ZNF169: variants seen among roughly 807,000 people sequenced by gnomAD.
ZNF169 encodes the protein zinc finger protein 169.
ZNF169 carries 11 observed loss-of-function variants against 12.0 expected under a neutral mutation model. The ratio of observed to expected loss-of-function variants is 0.92; its 90% CI spans 0.58 to 1.52. ZNF169 has a LOEUF of 1.52. ZNF169 is among the 40% of genes most tolerant of loss of function. ZNF169 has a pLI of 0.00. For missense variants in ZNF169, 722 were observed against 744.0 expected, an observed-to-expected ratio of 0.97 and a Z score of 0.34; for synonymous variants, 302 against 286.5, an observed-to-expected ratio of 1.05 and a Z score of -0.55.
At chr9:94,298,135 C>G (rs1041013571) in intron 4 of ZNF169, among the ~76,000 whole-genome samples, 4 of 150,814 alleles carry the variant, frequency 2.7e-5, no homozygotes, top group Non-Finnish European at 5.9e-5. Context: ...CCACTGTACT[C>G]CAGCCTAGGC....
chr9:94,274,786 C>T (rs764017587), intron 1 of ZNF169, among the ~76,000 whole-genome samples: 1 of 152,172 alleles, frequency 6.6e-6, no homozygotes, highest in Non-Finnish European at 1.5e-5. Flanking sequence ...TTAAGAAATA[C>T]ACTGGTTTGG....
intron 3 of ZNF169, 86 bp downstream of exon 3, chr9:94,292,553 A>G: frequency 6.5e-7 from 1 of 1,541,334 alleles, no homozygotes; most frequent in Non-Finnish European, 8.7e-7. Flanking sequence ...TCTGACTCAG[A>G]AAAACAGTTT....
intron 1 of ZNF169, among the ~76,000 whole-genome samples, chr9:94,269,249 C>T (rs1026973322): frequency 3.3e-5 from 5 of 152,136 alleles, no homozygotes; most frequent in Non-Finnish European, 5.9e-5. Flanking sequence ...AACTCAAAAC[C>T]TGATCTCAAC....
At chr9:94,294,909 CT>C (rs2118655528) in intron 4 of ZNF169, 1 of 152,244 alleles carries the variant, frequency 6.6e-6, no homozygotes, top group Admixed American at 6.5e-5. Flanking sequence ...TATCTTCTTA[CT>C]TGTTTATTTT....
chr9:94,270,782 TA>T lies in ZNF169; in HGVS notation c.-55-7973del, dbSNP rs1387336830. ...ATAAATATATATGTTATATATTATA[TA>T]AATATATATAAATAATATATATATT... On this transcript the variant is annotated intron_variant, in intron 1 of 4. Transcript: ENST00000395395. Among the ~76,000 whole-genome samples, 176 of 55,810 alleles carry T rather than the reference TA, an allele frequency of 3.2e-3. 6 individuals are homozygous for T. Among genetic ancestry groups the T allele is most frequent in the African/African-American group, 8.1e-3 (156 of 19,198 alleles). The allele number at this position is 55,810 out of a possible 152,430, so 36.6% of individuals were successfully genotyped here.
At chr9:94,292,606 GTTGT>G (rs1830864838) in intron 3 of ZNF169, 139 bp downstream of exon 3, 4 of 840,980 alleles carry the variant, frequency 4.8e-6, no homozygotes, top group Non-Finnish European at 5.2e-6. Context: ...TCACAGTGCA[GTTGT>G]GTGTGTGTGT....
chr9:94,262,602 C>A (rs1199627255), intron 1 of ZNF169, among the ~76,000 whole-genome samples: 1 of 151,568 alleles, frequency 6.6e-6, no homozygotes, highest in Non-Finnish European at 1.5e-5. Flanking sequence ...GGGCTACAGG[C>A]GTGCGCCACC....
At chr9:94,295,372 C>G (rs1365510062) in intron 4 of ZNF169, 3 of 152,046 alleles carry the variant, frequency 2.0e-5, no homozygotes, top group African/African-American at 7.2e-5. Context: ...TATTAAGATA[C>G]AGCAATTAAG....
In ZNF169 at chr9:94,265,909, T is replaced by G. The variant is rs941236262; in HGVS notation, c.-56+6564T>G. Among the ~76,000 whole-genome samples, 3 of 152,076 alleles carry G rather than the reference T, an allele frequency of 2.0e-5. No homozygotes were observed. The East Asian group carries it at 5.8e-4, about 29-fold the overall frequency. ...TTGTTTAATCCTAAATGGGTCCTGT[T>G]AAGAATTCCTTAGTTATTTACAAAA... is the stretch of plus-strand genomic sequence containing the variant. On this transcript the variant is annotated intron_variant, in intron 1 of 4. Coordinates refer to ENST00000395395, the MANE Select transcript of ZNF169 (RefSeq NM_194320.4).
At chr9:94,277,919 G>A (rs1346371947) in intron 1 of ZNF169, among the ~76,000 whole-genome samples, 4 of 147,460 alleles carry the variant, frequency 2.7e-5, no homozygotes, top group South Asian at 2.2e-4. Context: ...GCCACAGAGC[G>A]AGACTCCGAC....
intron 1 of ZNF169, among the ~76,000 whole-genome samples, chr9:94,275,016 A>T (rs1830496149): frequency 6.6e-6 from 1 of 152,144 alleles, no homozygotes; most frequent in Non-Finnish European, 1.5e-5. Flanking sequence ...AGGCAGGAGG[A>T]TCACTTGAGG....
At chr9:94,266,405 G>A (rs1346364554) in intron 1 of ZNF169, among the ~76,000 whole-genome samples, 1 of 152,146 alleles carries the variant, frequency 6.6e-6, no homozygotes, top group Non-Finnish European at 1.5e-5. Context: ...ACGGAGCATC[G>A]AACGCAGCGC....
chr9:94,280,972 G>A (rs1195049341), intron 2 of ZNF169, among the ~76,000 whole-genome samples: 2 of 152,134 alleles, frequency 1.3e-5, no homozygotes, highest in African/African-American at 4.8e-5. Context: ...AGAGAACCAG[G>A]AAGTTAAACT....
chr9:94,264,240 G>A (rs998743576), intron 1 of ZNF169, among the ~76,000 whole-genome samples: 2 of 152,086 alleles, frequency 1.3e-5, no homozygotes, highest in South Asian at 2.1e-4. Flanking sequence ...GGGTTCAAGC[G>A]CTTCTCCTGT....
rs1003464551 is a variant in ZNF169, at chr9:94,259,351, T to G, written c.-56+6T>G. ...GCATCGTCGCCTGGTGCGTGGTGAGTGTCCTTTCACAGTTCTGGTGAGCTA... is the reference window on the plus strand; with the variant it reads ...GCATCGTCGCCTGGTGCGTGGTGAGGGTCCTTTCACAGTTCTGGTGAGCTA... On this transcript the variant is annotated splice_donor_region_variant and intron_variant, in intron 1 of 4. Coordinates refer to ENST00000395395, the MANE Select transcript of ZNF169 (RefSeq NM_194320.4). The G allele has an allele frequency of 3.3e-5, 5 of 152,286 alleles. No individual in the cohort carries two copies. Among genetic ancestry groups the G allele is most frequent in the Admixed American group, 6.5e-5 (1 of 15,286 alleles). The allele number at this position is 152,286 out of a possible 1,614,324, so 9.4% of individuals were successfully genotyped here.
intron 4 of ZNF169, among the ~76,000 whole-genome samples, chr9:94,296,376 G>C (rs1231203528): frequency 6.6e-6 from 1 of 152,152 alleles, no homozygotes; most frequent in African/African-American, 2.4e-5. Flanking sequence ...ATGAAGTCCA[G>C]TTTTCAATCT....
At chr9:94,297,999 A>G (rs370029574) in intron 4 of ZNF169, among the ~76,000 whole-genome samples, 15 of 151,044 alleles carry the variant, frequency 9.9e-5, no homozygotes, top group African/African-American at 3.6e-4. Context: ...AGACCCTGTC[A>G]CTACTAAAAA....
intron 1 of ZNF169, among the ~76,000 whole-genome samples, chr9:94,270,542 G>C (rs1830369000): frequency 7.0e-6 from 1 of 142,260 alleles, no homozygotes; most frequent in South Asian, 2.2e-4. Context: ...TTGCTAATTT[G>C]TTAGGAGTTT....
chr9:94,268,528 G>A (rs1041097245), intron 1 of ZNF169, among the ~76,000 whole-genome samples: 6 of 151,974 alleles, frequency 3.9e-5, no homozygotes, highest in South Asian at 4.2e-4. Context: ...AGTGTCTCAC[G>A]CCTGTAATCC....
Sources: gnomAD v4.1 joint callset for allele counts (sites outside exome capture counted in the v4.1 genomes callset) on GRCh38, gnomAD v4.1.1 for gene constraint, MANE v1.5 for transcripts, NCBI Gene and HGNC (gene_info 2026-07-23, HGNC 2026-07-21) for gene names.